Variants in AVL9 observed in about 807,000 individuals in gnomAD.
AVL9 encodes the protein late secretory pathway protein AVL9 homolog.
AVL9 carries 49 observed loss-of-function variants against 79.2 expected under a neutral mutation model. The ratio of observed to expected loss-of-function variants is 0.62; its 90% CI spans 0.49 to 0.79. The LOEUF (loss-of-function observed/expected upper bound fraction) is 0.79. Among genes scored for constraint, AVL9 ranks in the 30% least tolerant of loss-of-function variants. The pLI, the probability that AVL9 is intolerant of heterozygous loss-of-function variation, is 0.00. For synonymous variants in AVL9, 299 were observed against 280.6 expected, an observed-to-expected ratio of 1.07 and a Z score of -0.65; for missense variants, 682 against 776.8, an observed-to-expected ratio of 0.88 and a Z score of 1.45.
At chr7:32,548,154 T>TTGTTTTCTTTTTG (rs775974010) in intron 3 of AVL9, among the ~76,000 whole-genome samples, 2 of 146,176 alleles carry the variant, frequency 1.4e-5, no homozygotes, top group Non-Finnish European at 3.0e-5. Context: ...CTTTTTTCTT[T>TTGTTTTCTTTTTG]TTTTTTTTTT....
At chr7:32,583,759 A>G (rs1226489202) in intron 15 of AVL9, 33 bp from the exon 16 acceptor site, 1 of 1,391,444 alleles carries the variant, frequency 7.2e-7, no homozygotes, top group Non-Finnish European at 1.0e-6. Flanking sequence ...AAGTTAAGAC[A>G]TTTTTCCTTT....
At chr7:32,505,225 T>A (rs1366602178) in intron 1 of AVL9, among the ~76,000 whole-genome samples, 1 of 151,908 alleles carries the variant, frequency 6.6e-6, no homozygotes, top group Admixed American at 6.6e-5. Flanking sequence ...ATTTAAAAGT[T>A]TTAGAAAATA....
At chr7:32,569,712 C>T (rs930581022) in intron 10 of AVL9, among the ~76,000 whole-genome samples, 5 of 152,160 alleles carry the variant, frequency 3.3e-5, no homozygotes, top group Admixed American at 6.5e-5. Context: ...AGGTTCAATT[C>T]ATTAGTTACT....
At chr7:32,519,461 T>C (rs1217776086) in intron 1 of AVL9, among the ~76,000 whole-genome samples, 2 of 151,092 alleles carry the variant, frequency 1.3e-5, no homozygotes, top group African/African-American at 4.9e-5. Flanking sequence ...TGGAAGGGCC[T>C]TCAGACTGAT....
At chr7:32,574,281 T>C (rs1790986995) in intron 12 of AVL9, among the ~76,000 whole-genome samples, 1 of 152,198 alleles carries the variant, frequency 6.6e-6, no homozygotes, top group Non-Finnish European at 1.5e-5. Context: ...TTGTTTACAG[T>C]GCACATAGGA....
At chr7:32,579,321 T>A (rs1269260643) in intron 13 of AVL9, among the ~76,000 whole-genome samples, 1 of 43,518 alleles carries the variant, frequency 2.3e-5, no homozygotes. Context: ...TTATATATAT[T>A]TTATATAATA....
chr7:32,577,561 G>A (rs1228904519), intron 13 of AVL9, among the ~76,000 whole-genome samples: 1 of 152,152 alleles, frequency 6.6e-6, no homozygotes, highest in Admixed American at 6.5e-5. Flanking sequence ...GGGAAGGCAG[G>A]TCGGCCTTGA....
At chr7:32,568,492 T>G (rs1158995103) in intron 10 of AVL9, among the ~76,000 whole-genome samples, 2 of 152,236 alleles carry the variant, frequency 1.3e-5, no homozygotes, top group East Asian at 3.9e-4. Context: ...TGAGCCACCA[T>G]GCCCAGCCCA....
At chr7:32,544,166 A>G (rs1002664039) in intron 2 of AVL9, among the ~76,000 whole-genome samples, 3 of 152,220 alleles carry the variant, frequency 2.0e-5, no homozygotes, top group Admixed American at 6.5e-5. Context: ...TTTTGTCTGT[A>G]CTATCTATCT....
chr7:32,506,216 C>CA (rs1176555261), intron 1 of AVL9, among the ~76,000 whole-genome samples: 1 of 151,744 alleles, frequency 6.6e-6, no homozygotes, highest in Non-Finnish European at 1.5e-5. Flanking sequence ...ACTTTTTAAA[C>CA]AAATTTTTTT....
chr7:32,551,121 G>A (rs570419299), intron 4 of AVL9, among the ~76,000 whole-genome samples: 1 of 152,272 alleles, frequency 6.6e-6, no homozygotes, highest in South Asian at 2.1e-4. Flanking sequence ...CTTAAGCACT[G>A]TACTCAGTGT....
intron 1 of AVL9, among the ~76,000 whole-genome samples, chr7:32,496,684 C>A (rs1228935056): frequency 6.6e-6 from 1 of 152,166 alleles, no homozygotes; most frequent in Non-Finnish European, 1.5e-5. Flanking sequence ...GTAATTGCCA[C>A]CACTAGCTAA....
At chr7:32,500,338 A>C (rs902703349) in intron 1 of AVL9, among the ~76,000 whole-genome samples, 3 of 152,236 alleles carry the variant, frequency 2.0e-5, no homozygotes, top group Non-Finnish European at 4.4e-5. Flanking sequence ...TCTAATGACC[A>C]ATGATGATGA....
intron 1 of AVL9, among the ~76,000 whole-genome samples, chr7:32,540,523 G>A (rs1258263855): frequency 2.0e-5 from 3 of 152,132 alleles, no homozygotes; most frequent in African/African-American, 4.8e-5. Flanking sequence ...TCATGCCTGT[G>A]GGAAGTTCAA....
rs965152193 is a variant in AVL9, at chr7:32,531,544, C to G, written c.94-11597C>G. The G allele has an allele frequency of 4.0e-5, 6 of 148,756 alleles. No homozygotes were observed. In the South Asian group the frequency reaches 1.3e-3, roughly 32 times the overall value. 9.2% of individuals were successfully genotyped at this position (148,756 alleles called of 1,614,324 possible). A position where few individuals can be genotyped will look rare whatever the true frequency, so the allele number is the denominator to read the frequency against. ...TCCTTAATCCTGAGGCAGGATATAT[C>G]CCTGACCCCTTTGCGGGACTCACAA... On this transcript the variant is annotated intron_variant, in intron 1 of 15. Transcript: ENST00000318709.
intron 10 of AVL9, among the ~76,000 whole-genome samples, chr7:32,564,074 A>G (rs1158946091): frequency 2.6e-5 from 4 of 152,156 alleles, no homozygotes; most frequent in Admixed American, 6.5e-5. Flanking sequence ...ACTATTGTGA[A>G]GATATCAAGA....
chr7:32,566,180 A>ATCCTTTTTTTTTTTTTT (rs70992731), intron 10 of AVL9, among the ~76,000 whole-genome samples: 1 of 93,878 alleles, frequency 1.1e-5, no homozygotes, highest in African/African-American at 4.2e-5. Flanking sequence ...TATTATTATT[A>ATCCTTTTTTTTTTTTTT]TTTTTTTTTT....
Position 32,585,604 on chromosome 7 carries a change from C to T in AVL9, c.*1697C>T, listed in dbSNP as rs941359613. 3 of 152,340 alleles carry T rather than the reference C, an allele frequency of 2.0e-5. No individual in the cohort carries two copies. Among genetic ancestry groups the T allele is most frequent in the African/African-American group, 7.2e-5 (3 of 41,580 alleles). 9.4% of individuals were successfully genotyped at this position (152,340 alleles called of 1,614,324 possible). A position where few individuals can be genotyped will look rare whatever the true frequency, so the allele number is the denominator to read the frequency against. ...CCCTGATTATATTTGGTTTATTCCTCACTAAATGTTTAAGAAGTAAATGCT... is the reference window on the plus strand; with the variant it reads ...CCCTGATTATATTTGGTTTATTCCTTACTAAATGTTTAAGAAGTAAATGCT... On this transcript the variant is annotated 3_prime_UTR_variant, in exon 16 of 16. Transcript: ENST00000318709.
intron 10 of AVL9, among the ~76,000 whole-genome samples, chr7:32,566,096 C>T: frequency 6.7e-6 from 1 of 149,222 alleles, no homozygotes; most frequent in Non-Finnish European, 1.5e-5. Context: ...ATGGTCATGT[C>T]AATGCACTCC....
Sources: allele counts gnomAD v4.1 joint callset (sites outside exome capture counted in the v4.1 genomes callset), GRCh38; gene constraint gnomAD v4.1.1; transcripts MANE v1.5; gene names NCBI Gene and HGNC (gene_info 2026-07-23, HGNC 2026-07-21).